Variants in EYS observed in about 807,000 individuals in gnomAD.
EYS encodes EGF-like photoreceptor maintenance factor, also known as protein eyes shut homolog.
A neutral mutation model predicts 282.1 loss-of-function variants in EYS; 250 were observed. That is an observed-to-expected ratio of 0.89 (90% CI 0.80 to 0.98). EYS has a LOEUF of 0.98. Ranked by LOEUF, EYS falls within the 50% of genes least tolerant of loss-of-function variation. The pLI is 0.00. For missense variants in EYS, 4,016 were observed against 3,709.0 expected, an observed-to-expected ratio of 1.08 and a Z score of -2.15; for synonymous variants, 1,355 against 1,282.9, an observed-to-expected ratio of 1.06 and a Z score of -1.20.
chr6:64,643,121 C>CT (rs1057313960), intron 22 of EYS, among the ~76,000 whole-genome samples: 14 of 74,692 alleles, frequency 1.9e-4, no homozygotes, highest in Admixed American at 3.7e-4. Flanking sequence ...ATCCCCCCCC[C>CT]CAAAAAAAAA....
chr6:65,447,762 A>T (rs182521209), intron 5 of EYS, among the ~76,000 whole-genome samples: 258 of 152,172 alleles, frequency 1.7e-3, no homozygotes, highest in African/African-American at 5.9e-3. Context: ...AGATGCAGAG[A>T]GATAAATAAC....
intron 22 of EYS, among the ~76,000 whole-genome samples, chr6:64,660,074 G>A (rs9360017): frequency 6.6e-6 from 1 of 151,902 alleles, no homozygotes; most frequent in Admixed American, 6.5e-5. Flanking sequence ...ATGCAAGGCT[G>A]GTTCAACATA....
intron 12 of EYS, among the ~76,000 whole-genome samples, chr6:65,284,063 T>G (rs1166527802): frequency 6.6e-6 from 1 of 152,118 alleles, no homozygotes; most frequent in East Asian, 1.9e-4. Context: ...GTTGAAAGAT[T>G]CTGGAGCGAT....
At position 64,084,683 on chromosome 6, in the gene EYS, C is replaced by A. The variant is rs536395394; in HGVS notation, c.6425-2681G>T. Among the ~76,000 whole-genome samples, 108 of 152,220 alleles carry A rather than the reference C, an allele frequency of 7.1e-4. 1 individual carries two copies. Among genetic ancestry groups the A allele is most frequent in the African/African-American group, 2.6e-3 (107 of 41,514 alleles). ...CAAGAACCTTAAGAAAGATTCCTGG[C>A]TGGTAAAACTGACAAGATCTTTAAA... On this transcript the variant is annotated intron_variant, in intron 31 of 42. Coordinates refer to ENST00000503581, the MANE Select transcript of EYS (RefSeq NM_001142800.2).
intron 14 of EYS, among the ~76,000 whole-genome samples, chr6:64,957,357 T>C (rs76166971): frequency 0.023 from 3,426 of 152,194 alleles, 133 homozygotes; most frequent in African/African-American, 0.078. Flanking sequence ...TCTCACTTAG[T>C]TGTGAGACCT....
intron 2 of EYS, among the ~76,000 whole-genome samples, chr6:65,605,417 G>A (rs929582914): frequency 1.3e-5 from 2 of 151,906 alleles, no homozygotes; most frequent in African/African-American, 4.8e-5. Context: ...GTTTTTGAGT[G>A]TGAGGGTGTT....
chr6:65,666,265 A>G (rs116590779), intron 1 of EYS, among the ~76,000 whole-genome samples: 1,576 of 151,980 alleles, frequency 0.01, 30 homozygotes, highest in African/African-American at 0.037. Context: ...CTCATAAAAT[A>G]TCTATAGACA....
intron 22 of EYS, among the ~76,000 whole-genome samples, chr6:64,757,668 C>T (rs188757452): frequency 1.3e-5 from 2 of 152,166 alleles, no homozygotes; most frequent in Non-Finnish European, 2.9e-5. Context: ...TTTATGTCTT[C>T]TCACTCCACC....
At chr6:65,187,300 G>A (rs890265419) in intron 12 of EYS, among the ~76,000 whole-genome samples, 2 of 151,606 alleles carry the variant, frequency 1.3e-5, no homozygotes, top group African/African-American at 2.4e-5. Flanking sequence ...ACTCAGGGTA[G>A]GGAGGACATC....
At chr6:64,137,650 A>T (rs1232539821) in intron 31 of EYS, among the ~76,000 whole-genome samples, 1 of 152,116 alleles carries the variant, frequency 6.6e-6, no homozygotes, top group Non-Finnish European at 1.5e-5. Flanking sequence ...AAGGAGAATT[A>T]CTGGTTGGTG....
intron 26 of EYS, among the ~76,000 whole-genome samples, chr6:64,515,507 G>T (rs187434316): frequency 6.6e-6 from 1 of 151,078 alleles, no homozygotes; most frequent in African/African-American, 2.4e-5. Context: ...TTCTATTTTA[G>T]TCATTTTGGT....
intron 12 of EYS, among the ~76,000 whole-genome samples, chr6:65,233,947 T>A (rs529079937): frequency 2.6e-5 from 4 of 152,222 alleles, no homozygotes; most frequent in East Asian, 1.9e-4. Flanking sequence ...CACACAGCCT[T>A]CCAGAAGCCC....
At chr6:65,172,048 G>T (rs1765117019) in intron 12 of EYS, among the ~76,000 whole-genome samples, 2 of 151,414 alleles carry the variant, frequency 1.3e-5, no homozygotes, top group South Asian at 4.2e-4. Flanking sequence ...TTTAACTTTG[G>T]CATAAATTTT....
intron 31 of EYS, among the ~76,000 whole-genome samples, chr6:64,159,192 T>A (rs1241779286): frequency 6.6e-6 from 1 of 152,188 alleles, no homozygotes; most frequent in Non-Finnish European, 1.5e-5. Context: ...ATCTCCAGAT[T>A]ATAATACCTA....
chr6:64,095,351 G>A (rs550133831), intron 31 of EYS, among the ~76,000 whole-genome samples: 1 of 152,142 alleles, frequency 6.6e-6, no homozygotes, highest in East Asian at 1.9e-4. Flanking sequence ...GTTGACAGTG[G>A]GGTGTTAAAG....
intron 11 of EYS, among the ~76,000 whole-genome samples, chr6:65,299,503 T>C (rs975153036): frequency 2.6e-5 from 4 of 152,178 alleles, no homozygotes; most frequent in East Asian, 1.9e-4. Context: ...TTCTGATGCA[T>C]TGGAAGTAGT....
chr6:65,334,933 T>TAA lies in EYS; in HGVS notation c.1766+45_1766+46dup, dbSNP rs778728102. ...AGTTCGATGACTATCAATTTAATTA[T>TAA]AACTTTTTGATATGTGATATTATCT... On this transcript the variant is annotated intron_variant, in intron 11 of 42. Transcript: ENST00000503581. 5.8e-6 allele frequency: 9 copies of TAA among 1,547,740 alleles called. No individual in the cohort carries two copies. The East Asian group carries it at 2.0e-4, about 35-fold the overall frequency.
chr6:64,790,182 T>C (rs1366336268), intron 22 of EYS, among the ~76,000 whole-genome samples: 1 of 151,974 alleles, frequency 6.6e-6, no homozygotes, highest in East Asian at 1.9e-4. Flanking sequence ...TGTATGTTTA[T>C]AGTCACCAAA....
At chr6:65,422,712 A>T (rs190661639) in intron 5 of EYS, among the ~76,000 whole-genome samples, 1 of 151,940 alleles carries the variant, frequency 6.6e-6, no homozygotes, top group Admixed American at 6.6e-5. Context: ...CAGGAGGGTA[A>T]GTTGGAACAA....
Sources: gnomAD v4.1 joint callset for allele counts (sites outside exome capture counted in the v4.1 genomes callset) on GRCh38, gnomAD v4.1.1 for gene constraint, MANE v1.5 for transcripts, NCBI Gene and HGNC (gene_info 2026-07-23, HGNC 2026-07-21) for gene names.